KIF6: variants seen among roughly 807,000 people sequenced by gnomAD.
KIF6 encodes the protein kinesin family member 6, also known as kinesin-like protein KIF6.
In KIF6, 106 loss-of-function variants were observed where a neutral mutation model predicts 112.7. The ratio of observed to expected loss-of-function variants is 0.94; its 90% confidence interval spans 0.80 to 1.11. KIF6 has a LOEUF of 1.11. Among genes scored for constraint, KIF6 ranks in the 50% least tolerant of loss-of-function variants. The pLI is 0.00. For missense variants in KIF6, 929 were observed against 964.0 expected (o/e 0.96, Z 0.48); for synonymous variants, 339 against 339.9 (o/e 1.00, Z 0.03).
At chr6:39,352,606 C>CTTT (rs34771617) in intron 19 of KIF6, among the ~76,000 whole-genome samples, 13 of 140,818 alleles carry the variant, frequency 9.2e-5, no homozygotes, top group Non-Finnish European at 9.2e-5. Context: ...CCTGATAGCT[C>CTTT]TTTTTTTTTT....
intron 16 of KIF6, among the ~76,000 whole-genome samples, chr6:39,370,981 A>C (rs993717404): frequency 1.3e-5 from 2 of 152,006 alleles, no homozygotes; most frequent in Non-Finnish European, 2.9e-5. Context: ...GAAGAGAGGG[A>C]GGTTAGGGGC....
At chr6:39,638,342 T>G (rs762610644) in intron 4 of KIF6, among the ~76,000 whole-genome samples, 1 of 152,130 alleles carries the variant, frequency 6.6e-6, no homozygotes, top group Non-Finnish European at 1.5e-5. Flanking sequence ...GGTTGACCTG[T>G]ACCTCCAGTG....
chr6:39,495,711 G>A (rs1361371721), intron 13 of KIF6, among the ~76,000 whole-genome samples: 1 of 152,196 alleles, frequency 6.6e-6, no homozygotes, highest in Non-Finnish European at 1.5e-5. Flanking sequence ...TGCAGAGTAT[G>A]ACTTTTTTAC....
rs773091280 is a variant in KIF6, at chr6:39,634,966, G to A, written c.400-8C>T. Reference sequence around the variant, plus strand: ...ATATATTTTGCTGCTGTCCTGATTGGAAAAGGGAAAGGTATTATTTATCGG... The same window carrying A: ...ATATATTTTGCTGCTGTCCTGATTGAAAAAGGGAAAGGTATTATTTATCGG... On this transcript the variant is annotated splice_region_variant and splice_polypyrimidine_tract_variant and intron_variant, in intron 4 of 22. Coordinates refer to ENST00000287152, the MANE Select transcript of KIF6 (RefSeq NM_145027.6). 3.5e-6 allele frequency: 5 copies of A among 1,427,802 alleles called. No individual in the cohort carries two copies. Among genetic ancestry groups the A allele is most frequent in the Middle Eastern group, 1.8e-4 (1 of 5,672 alleles). The allele number at this position is 1,427,802 out of a possible 1,614,324, so 88.4% of individuals were successfully genotyped here.
chr6:39,721,826 A>T (rs371458139), intron 1 of KIF6, among the ~76,000 whole-genome samples: 4 of 127,960 alleles, frequency 3.1e-5, no homozygotes, highest in African/African-American at 5.2e-5. Flanking sequence ...TTTTTTTTTT[A>T]AAGGCTTCTT....
intron 2 of KIF6, among the ~76,000 whole-genome samples, chr6:39,715,757 A>C (rs1789814898): frequency 6.6e-6 from 1 of 152,192 alleles, no homozygotes; most frequent in Non-Finnish European, 1.5e-5. Flanking sequence ...ATACAAAGAG[A>C]TAATCTAAGG....
At chr6:39,704,331 G>T (rs150238892) in intron 3 of KIF6, among the ~76,000 whole-genome samples, 280 of 152,220 alleles carry the variant, frequency 1.8e-3, no homozygotes, top group African/African-American at 6.3e-3. Flanking sequence ...ATAAAAAGCT[G>T]GTTCAGGCCA....
intron 13 of KIF6, among the ~76,000 whole-genome samples, chr6:39,442,626 A>T (rs1026913121): frequency 2.0e-5 from 3 of 152,154 alleles, no homozygotes; most frequent in Non-Finnish European, 4.4e-5. Context: ...GCCAAACTGG[A>T]TCTATTGAGT....
At chr6:39,521,132 G>C (rs1027244800) in intron 13 of KIF6, among the ~76,000 whole-genome samples, 2 of 152,196 alleles carry the variant, frequency 1.3e-5, no homozygotes, top group Non-Finnish European at 2.9e-5. Context: ...GAAGGCAGAT[G>C]CTGTTACTCA....
At chr6:39,566,423 A>G (rs189759879) in intron 10 of KIF6, among the ~76,000 whole-genome samples, 5 of 152,300 alleles carry the variant, frequency 3.3e-5, no homozygotes, top group Non-Finnish European at 7.4e-5. Context: ...AACATCTCCT[A>G]TTCAGGGAGT....
intron 1 of KIF6, 29 bp downstream of exon 1, chr6:39,725,216 G>A (rs1479541011): frequency 1.3e-6 from 2 of 1,596,326 alleles, no homozygotes; most frequent in Non-Finnish European, 1.7e-6. Flanking sequence ...GCCCCGCCGC[G>A]CCGGCGCCCC....
Position 39,378,940 on chromosome 6 carries a change from C to A in KIF6, c.1861+6682G>T, listed in dbSNP as rs1421787111. Among the ~76,000 whole-genome samples the A allele has an allele frequency of 6.6e-6, 1 of 152,156 alleles. No homozygotes were observed. Among genetic ancestry groups the A allele is most frequent in the Non-Finnish European group, 1.5e-5 (1 of 68,034 alleles). On this transcript the variant is annotated intron_variant, in intron 16 of 22. Transcript: ENST00000287152. The surrounding 1 kb of genome is among the most constrained non-coding windows in gnomAD (Gnocchi z 5.0). ...ACATAAACGCTTTCAGTGAGCTATGCTTTAATGTCAGGCCTCTAGCTTTTA... is the reference window on the plus strand; with the variant it reads ...ACATAAACGCTTTCAGTGAGCTATGATTTAATGTCAGGCCTCTAGCTTTTA...
At position 39,448,073 on chromosome 6, in the gene KIF6, G is replaced by C. The variant is rs375565835; in HGVS notation, c.1646-16912C>G. Among the ~76,000 whole-genome samples, 121 of 152,216 alleles carry C rather than the reference G, an allele frequency of 7.9e-4. 1 individual carries two copies. Among genetic ancestry groups the C allele is most frequent in the African/African-American group, 2.7e-3 (114 of 41,540 alleles). ...CTCTCTTTCCTCACTCTGGTGATGG[G>C]GGTCATCGCAGATATAATCTCCATC... On this transcript the variant is annotated intron_variant, in intron 13 of 22. Coordinates refer to ENST00000287152, the MANE Select transcript of KIF6 (RefSeq NM_145027.6).
intron 3 of KIF6, among the ~76,000 whole-genome samples, chr6:39,662,359 A>G (rs1359041091): frequency 6.6e-6 from 1 of 152,218 alleles, no homozygotes; most frequent in Non-Finnish European, 1.5e-5. Context: ...AGTCACATAC[A>G]TTACATGTGT....
chr6:39,388,534 G>A (rs1767609081), intron 15 of KIF6, among the ~76,000 whole-genome samples: 1 of 151,814 alleles, frequency 6.6e-6, no homozygotes, highest in Middle Eastern at 3.4e-3. Flanking sequence ...CACATGGCAA[G>A]TTTTTTTTTA....
chr6:39,550,972 C>T (rs769969324), intron 10 of KIF6, among the ~76,000 whole-genome samples: 3 of 152,208 alleles, frequency 2.0e-5, no homozygotes, highest in African/African-American at 4.8e-5. Flanking sequence ...ACACACACCA[C>T]ATTTTCTTTA....
chr6:39,347,950 T>C (rs1298595779), intron 19 of KIF6, among the ~76,000 whole-genome samples: 2 of 152,194 alleles, frequency 1.3e-5, no homozygotes, highest in Non-Finnish European at 2.9e-5. Context: ...GTGCCCTTCA[T>C]GGTGGGAAAG....
intron 3 of KIF6, among the ~76,000 whole-genome samples, chr6:39,664,885 C>T (rs1483655724): frequency 3.3e-5 from 5 of 152,128 alleles, no homozygotes; most frequent in Non-Finnish European, 5.9e-5. Context: ...TATTTATTTA[C>T]ATTTTTAAAA....
At chr6:39,706,427 C>T (rs554730602) in intron 3 of KIF6, among the ~76,000 whole-genome samples, 5 of 152,286 alleles carry the variant, frequency 3.3e-5, no homozygotes, top group African/African-American at 7.2e-5. Flanking sequence ...TATCCCCTTC[C>T]TTGTTAAGTC....
Sources: gnomAD v4.1 joint callset for allele counts (sites outside exome capture counted in the v4.1 genomes callset) on GRCh38, gnomAD v4.1.1 for gene constraint, Gnocchi (gnomAD v3.1) non-coding constraint, MANE v1.5 for transcripts, NCBI Gene and HGNC (gene_info 2026-07-23, HGNC 2026-07-21) for gene names.